Variants in DPYSL4 observed in about 807,000 individuals in gnomAD.
DPYSL4 encodes dihydropyrimidinase-related protein 4.
Under a neutral mutation model 63.4 loss-of-function variants are expected in DPYSL4, and 43 were observed. That is an observed-to-expected ratio of 0.68 (90% CI 0.53 to 0.88). The LOEUF (loss-of-function observed/expected upper bound fraction) is 0.88. Among genes scored for constraint, DPYSL4 ranks in the 40% least tolerant of loss-of-function variants. The pLI is 0.00. For synonymous variants in DPYSL4, 353 were observed against 331.7 expected (o/e 1.06, Z -0.70); for missense variants, 733 against 819.5 (o/e 0.89, Z 1.29).
chr10:132,196,600 G>A (rs1217828793), intron 4 of DPYSL4, among the ~76,000 whole-genome samples: 3 of 152,238 alleles, frequency 2.0e-5, no homozygotes, highest in Non-Finnish European at 4.4e-5. Flanking sequence ...TGCATTTGCC[G>A]CTGGGTGGAC....
intron 3 of DPYSL4, among the ~76,000 whole-genome samples, chr10:132,193,396 T>C (rs528033804): frequency 6.6e-6 from 1 of 152,366 alleles, no homozygotes; most frequent in East Asian, 1.9e-4. Context: ...CTGACACCCA[T>C]CGGCTCACAT....
intron 11 of DPYSL4, among the ~76,000 whole-genome samples, chr10:132,202,348 G>T (rs559455491): frequency 6.6e-6 from 1 of 152,354 alleles, no homozygotes; most frequent in African/African-American, 2.4e-5. Context: ...GGAGGAGGCT[G>T]GGGCAGAGCG....
chr10:132,189,057 A>G (rs886870852), intron 1 of DPYSL4, among the ~76,000 whole-genome samples: 2 of 152,214 alleles, frequency 1.3e-5, no homozygotes, highest in African/African-American at 4.8e-5. Context: ...GAGTTTTACC[A>G]ATTGTGCACT....
chr10:132,199,166 G>A (rs547787019), intron 8 of DPYSL4, among the ~76,000 whole-genome samples, 195 bp downstream of exon 8: 2 of 152,160 alleles, frequency 1.3e-5, no homozygotes, highest in African/African-American at 4.8e-5. Context: ...TTCCAGCCTT[G>A]CTGGAGCAGC....
At chr10:132,195,239 T>A (rs1446851207) in intron 4 of DPYSL4, among the ~76,000 whole-genome samples, 3 of 152,174 alleles carry the variant, frequency 2.0e-5, no homozygotes, top group Non-Finnish European at 2.9e-5. Flanking sequence ...GTCCTCCTGA[T>A]GAAAAGATGC....
intron 1 of DPYSL4, among the ~76,000 whole-genome samples, chr10:132,188,932 CTA>C (rs1328408408): frequency 6.6e-6 from 1 of 152,192 alleles, no homozygotes; most frequent in Non-Finnish European, 1.5e-5. Context: ...CGTTTGTAGA[CTA>C]TGGGGTAGAG....
rs2061978525 is a variant in DPYSL4 at position 132,198,976 on chromosome 10, G to T, written c.811+5G>T. ...TCGCTCAGGCCAAGCGCAGAGGTGA[G>T]CACCCAGCCCCGCCTCTGATGCCGA... On this transcript the variant is annotated splice_donor_5th_base_variant and intron_variant, in intron 8 of 13. Transcript: ENST00000338492. 1 of 1,600,938 alleles carries T rather than the reference G, an allele frequency of 6.2e-7. No homozygotes were observed. The highest frequency in any genetic ancestry group is 1.3e-5 in the African/African-American group (1 of 74,854).
chr10:132,203,622 C>T (rs1324257868), intron 12 of DPYSL4, 140 bp from the exon 13 acceptor site: 1 of 812,542 alleles, frequency 1.2e-6, no homozygotes, highest in African/African-American at 1.7e-5. Context: ...CCCCAAATTC[C>T]TGAAGCTGGC....
intron 12 of DPYSL4, 116 bp from the exon 13 acceptor site, chr10:132,203,646 A>G: frequency 9.8e-7 from 1 of 1,015,720 alleles, no homozygotes; most frequent in East Asian, 2.8e-5. Context: ...GGAGAGGCGC[A>G]GAGCAGGCCC....
chr10:132,202,906 C>G (rs2062039068), intron 12 of DPYSL4, 81 bp downstream of exon 12: 3 of 1,481,128 alleles, frequency 2.0e-6, no homozygotes, highest in South Asian at 2.7e-5. Context: ...CCCTGGTCAA[C>G]CTGGCCCGGC....
Position 132,203,213 on chromosome 10 carries a change from C to T in DPYSL4, c.1461+388C>T, listed in dbSNP as rs567925178. On this transcript the variant is annotated intron_variant, in intron 12 of 13. Coordinates refer to ENST00000338492, the MANE Select transcript of DPYSL4 (RefSeq NM_006426.3). ...CTGGGATTCCCCATGGACAGACGTG[C>T]ACGCTGATTTGTGGACTGGGGCGTG... Among the ~76,000 whole-genome samples, 3 of 152,336 alleles carry T rather than the reference C, an allele frequency of 2.0e-5. No homozygotes were observed. In the South Asian group the frequency reaches 6.2e-4, roughly 32 times the overall value.
chr10:132,203,862 C>A lies in DPYSL4; in HGVS notation c.1562C>A (p.Ser521Tyr). The change falls in exon 13 of 14, where the codon TCC becomes TAC. Residue 521 changes from serine to tyrosine, a missense_variant. Ser to Tyr is a moderately radical substitution (Grantham distance 144). Transcript: ENST00000338492. ...GGGAGTGGCGCTCCGGCCCGCGCGT[C>A]CTGCCCAGGCAAGATCTCCGTCCCT... ...KPGSGAPARA[S>Y]CPGKISVPPV... is the part of the protein sequence containing the mutation. The A allele has an allele frequency of 6.2e-7, 1 of 1,613,042 alleles. No individual in the cohort carries two copies. Among genetic ancestry groups the A allele is most frequent in the Non-Finnish European group, 8.5e-7 (1 of 1,179,790 alleles).
At position 132,203,807 on chromosome 10, in the gene DPYSL4, GT is replaced by G; in HGVS notation, c.1508del (p.Val503AlafsTer4). On this transcript the variant is annotated frameshift_variant, in exon 13 of 14. Coordinates refer to ENST00000338492, the MANE Select transcript of DPYSL4 (RefSeq NM_006426.3). LOFTEE classifies it high-confidence loss of function. ...GCCCCGTGGACTGTATGACGGGCCC[GT>G]CCACGAGGTGATGGTGCCTGCCAAG... ...GVPRGLYDGP[V>X]HEVMVPAKPG... is the part of the protein sequence containing the mutation. 6.2e-7 allele frequency: 1 copy of G among 1,612,538 alleles called. No individual in the cohort carries two copies. Among genetic ancestry groups the G allele is most frequent in the Non-Finnish European group, 8.5e-7 (1 of 1,179,706 alleles).
chr10:132,187,233 C>T lies in DPYSL4; in HGVS notation c.39+131C>T, dbSNP rs554293924. On this transcript the variant is annotated intron_variant, in intron 1 of 13. Transcript: ENST00000338492. ...CCTTTGCGTCTGGTCCCTGTCCTGG[C>T]GCCCGCCCTTCCCTGCTCGGCTCCT... 3.3e-4 allele frequency: 191 copies of T among 586,550 alleles called. 1 individual carries two copies. Among genetic ancestry groups the T allele is most frequent in the South Asian group, 6.7e-4 (27 of 40,552 alleles). 36.3% of individuals were successfully genotyped at this position (586,550 alleles called of 1,614,324 possible).
rs1341085537 is a variant in DPYSL4 at position 132,200,505 on chromosome 10, C to T, written c.961C>T (p.Leu321=). 2.5e-6 allele frequency: 4 copies of T among 1,612,872 alleles called. No homozygotes were observed. The South Asian group carries it at 3.3e-5, about 13-fold the overall frequency. ...CACGGCGGACCACCTCACCTGCTTG[C>T]TGTCCAGGTAAGCAGCCTCTCCAGG... ...PTTADHLTCL[L]SSGDLQVTGS... The change falls in exon 9 of 14, where the codon CTG becomes TTG. Residue 321 remains leucine, a synonymous_variant. Transcript: ENST00000338492.
At chr10:132,191,129 G>A (rs11595584) in intron 2 of DPYSL4, among the ~76,000 whole-genome samples, 2,024 of 60,718 alleles carry the variant, frequency 0.033, 37 homozygotes, top group East Asian at 0.13. Flanking sequence ...CCAGGCAGTT[G>A]AAAGTATGTT....
chr10:132,204,166 A>G (rs2062062146), intron 13 of DPYSL4, among the ~76,000 whole-genome samples: 1 of 152,212 alleles, frequency 6.6e-6, no homozygotes, highest in Non-Finnish European at 1.5e-5. Context: ...CCTTCAAGAC[A>G]GTGGCACTGG....
chr10:132,197,146 G>C, intron 6 of DPYSL4, 45 bp downstream of exon 6: 1 of 1,446,026 alleles, frequency 6.9e-7, no homozygotes, highest in Non-Finnish European at 9.2e-7. Flanking sequence ...AGGGGCTGCC[G>C]TGGGGCAGGG....
At chr10:132,199,656 C>CT (rs1411588518) in intron 8 of DPYSL4, among the ~76,000 whole-genome samples, 1 of 111,950 alleles carries the variant, frequency 8.9e-6, no homozygotes, top group East Asian at 2.4e-4. Context: ...CTGGGCCTGC[C>CT]TGGGGCTGTG....
Sources: allele counts gnomAD v4.1 joint callset (sites outside exome capture counted in the v4.1 genomes callset), GRCh38; gene constraint gnomAD v4.1.1; transcripts MANE v1.5; gene names NCBI Gene and HGNC (gene_info 2026-07-23, HGNC 2026-07-21).